Variants in SYNE1 observed in about 807,000 individuals in gnomAD.
SYNE1 encodes spectrin repeat containing nuclear envelope protein 1.
A neutral mutation model predicts 1,111.0 loss-of-function variants in SYNE1; 616 were observed. That is an observed-to-expected ratio of 0.55 (90% CI 0.52 to 0.59). The LOEUF is 0.59. Among genes scored for constraint, SYNE1 ranks in the 20% least tolerant of loss-of-function variants. The pLI, the probability that SYNE1 is intolerant of heterozygous loss-of-function variation, is 0.00. For synonymous variants in SYNE1, 3,855 were observed against 3,825.8 expected, an observed-to-expected ratio of 1.01 and a Z score of -0.28; for missense variants, 10,006 against 10,417.0, an observed-to-expected ratio of 0.96 and a Z score of 1.72.
chr6:152,574,910 T>C (rs2099490336), intron 3 of SYNE1, among the ~76,000 whole-genome samples: 1 of 152,212 alleles, frequency 6.6e-6, no homozygotes, highest in South Asian at 2.1e-4. Flanking sequence ...TGTTTGTTTG[T>C]TTTTAATTTT....
intron 3 of SYNE1, among the ~76,000 whole-genome samples, chr6:152,614,164 C>T (rs949061020): frequency 6.6e-6 from 1 of 152,150 alleles, no homozygotes; most frequent in African/African-American, 2.4e-5. Context: ...AGAGCTTCTG[C>T]ACGGCAAAAG....
intron 3 of SYNE1, among the ~76,000 whole-genome samples, chr6:152,607,401 GA>G (rs1459767380): frequency 6.6e-6 from 1 of 151,470 alleles, no homozygotes; most frequent in Non-Finnish European, 1.5e-5. Context: ...TGAAGCAACA[GA>G]AAAAAACTGA....
intron 3 of SYNE1, among the ~76,000 whole-genome samples, chr6:152,552,324 A>G (rs1212070967): frequency 2.6e-5 from 4 of 152,072 alleles, no homozygotes; most frequent in African/African-American, 9.7e-5. Flanking sequence ...TTACAATTTT[A>G]CATTTTCACA....
chr6:152,400,208 C>A (rs1379073914), intron 47 of SYNE1, among the ~76,000 whole-genome samples: 20 of 150,116 alleles, frequency 1.3e-4, no homozygotes, highest in Admixed American at 4.0e-4. Context: ...ACCAAAAGCA[C>A]CAGTAGTTAA....
intron 3 of SYNE1, among the ~76,000 whole-genome samples, chr6:152,589,471 T>C (rs1362843867): frequency 6.6e-6 from 1 of 152,152 alleles, no homozygotes; most frequent in Non-Finnish European, 1.5e-5. Flanking sequence ...ATCATAAAAA[T>C]GAGTTTTGGT....
Position 152,325,296 on chromosome 6 carries a change from C to G in SYNE1, c.15445G>C (p.Val5149Leu). 1.2e-6 allele frequency: 2 copies of G among 1,614,138 alleles called. No individual in the cohort carries two copies. The highest frequency in any genetic ancestry group is 8.5e-7 in the Non-Finnish European group (1 of 1,180,014). The change falls in exon 81 of 146, where the codon GTG becomes CTG. Residue 5149 changes from valine to leucine, a missense_variant. Physicochemically the swap from Val to Leu is conservative, Grantham distance 32 (BLOSUM62 1). Coordinates refer to ENST00000367255, the MANE Select transcript of SYNE1 (RefSeq NM_182961.4). ...EEKLSEHKAL[V>L]SVVNSFHEKI... ...TCATGGAAAGAGTTAACCACTGACA[C>G]TAAAGCCTAGGGTTGGGGGTGGAGG...
chr6:152,624,499 C>T (rs1038547810), intron 3 of SYNE1, among the ~76,000 whole-genome samples: 29 of 152,084 alleles, frequency 1.9e-4, no homozygotes, highest in Non-Finnish European at 3.7e-4. Flanking sequence ...TAAGTGACTC[C>T]GTAAGCCACC....
chr6:152,215,928 G>A (rs1182124203), intron 121 of SYNE1, among the ~76,000 whole-genome samples: 3 of 152,148 alleles, frequency 2.0e-5, no homozygotes, highest in Non-Finnish European at 2.9e-5. Flanking sequence ...TCCAGTTTTA[G>A]GTCTCTGACC....
At chr6:152,560,808 T>C (rs781488819) in intron 3 of SYNE1, among the ~76,000 whole-genome samples, 9 of 152,090 alleles carry the variant, frequency 5.9e-5, no homozygotes, top group Non-Finnish European at 8.8e-5. Context: ...GAATGAAAGA[T>C]AAAAGTCGTA....
chr6:152,536,788 A>T (rs1335533346), intron 4 of SYNE1, among the ~76,000 whole-genome samples: 1 of 151,806 alleles, frequency 6.6e-6, no homozygotes, highest in African/African-American at 2.4e-5. Flanking sequence ...TATCAAGTCC[A>T]CTCCTAAACA....
intron 3 of SYNE1, among the ~76,000 whole-genome samples, chr6:152,619,087 C>T (rs949206562): frequency 6.6e-5 from 10 of 151,460 alleles, no homozygotes; most frequent in Non-Finnish European, 1.2e-4. Flanking sequence ...GTAATATCCT[C>T]ATTAGCCCCA....
intron 119 of SYNE1, 64 bp from the exon 120 acceptor site, chr6:152,219,249 C>A: frequency 6.9e-7 from 1 of 1,455,860 alleles, no homozygotes; most frequent in Non-Finnish European, 9.6e-7. Context: ...AAACAGCAAT[C>A]GGCAAAGGGC....
chr6:152,533,571 CATCACCTCTA>C (rs1380189655), intron 4 of SYNE1, among the ~76,000 whole-genome samples: 1 of 152,090 alleles, frequency 6.6e-6, no homozygotes, highest in Non-Finnish European at 1.5e-5. Context: ...AACCACCTCT[CATCACCTCTA>C]CTGCTACTAT....
intron 6 of SYNE1, among the ~76,000 whole-genome samples, chr6:152,518,564 T>G (rs1042069272): frequency 6.6e-6 from 1 of 152,068 alleles, no homozygotes; most frequent in South Asian, 2.1e-4. Flanking sequence ...CTGAGCAGCC[T>G]GCAGAACCAT....
intron 11 of SYNE1, among the ~76,000 whole-genome samples, chr6:152,489,539 C>A (rs1360989583): frequency 1.3e-5 from 2 of 150,634 alleles, no homozygotes; most frequent in Non-Finnish European, 2.9e-5. Flanking sequence ...ATCACGGACC[C>A]TTTCAATTGT....
intron 116 of SYNE1, 137 bp downstream of exon 116, chr6:152,225,584 G>A (rs1335492522): frequency 2.2e-5 from 22 of 1,003,700 alleles, no homozygotes; most frequent in African/African-American, 3.3e-5. Flanking sequence ...AGAGGATAAC[G>A]AAGTGGACTT....
chr6:152,367,519 T>C, intron 61 of SYNE1, 137 bp from the exon 62 acceptor site: 1 of 937,452 alleles, frequency 1.1e-6, no homozygotes. Flanking sequence ...GGCCTAAATC[T>C]ATGAGATATG....
At chr6:152,184,855 T>G (rs530801932) in intron 128 of SYNE1, among the ~76,000 whole-genome samples, 2 of 152,128 alleles carry the variant, frequency 1.3e-5, no homozygotes, top group South Asian at 4.1e-4. Flanking sequence ...GGTTTGTACA[T>G]CTAGTATTTA....
At chr6:152,193,873 C>T (rs552812976) in intron 127 of SYNE1, among the ~76,000 whole-genome samples, 76 of 151,660 alleles carry the variant, frequency 5.0e-4, no homozygotes, top group Admixed American at 1.2e-3. Context: ...ATTAGCCGGG[C>T]GTGGTGGTGG....
Sources: gnomAD v4.1 joint callset for allele counts (sites outside exome capture counted in the v4.1 genomes callset) on GRCh38, gnomAD v4.1.1 for gene constraint, MANE v1.5 for transcripts, NCBI Gene and HGNC (gene_info 2026-07-23, HGNC 2026-07-21) for gene names.